SEPTIN9: variants seen among roughly 807,000 people sequenced by gnomAD.
The protein encoded by SEPTIN9 is septin-9.
SEPTIN9 carries 13 observed loss-of-function variants against 56.6 expected under a neutral mutation model. The ratio of observed to expected loss-of-function variants is 0.23; its 90% CI spans 0.15 to 0.37. The LOEUF is 0.37. SEPTIN9 is among the 10% of genes least tolerant of loss of function. SEPTIN9 has a pLI of 1.00. For missense variants in SEPTIN9, 650 were observed against 823.1 expected, an observed-to-expected ratio of 0.79 and a Z score of 2.57; for synonymous variants, 332 against 334.1, an observed-to-expected ratio of 0.99 and a Z score of 0.07.
At chr17:77,473,562 C>CGTGT (rs2039090802) in intron 3 of SEPTIN9, among the ~76,000 whole-genome samples, 1 of 152,102 alleles carries the variant, frequency 6.6e-6, no homozygotes, top group Admixed American at 6.5e-5. Flanking sequence ...GTTCAAAATA[C>CGTGT]GTGTGTGTCT....
Position 77,445,021 on chromosome 17 carries a change from T to C in SEPTIN9, c.722-37123T>C. 3 of 374,374 alleles carry C rather than the reference T, an allele frequency of 8.0e-6. No individual in the cohort carries two copies. Among genetic ancestry groups the C allele is most frequent in the Non-Finnish European group, 1.7e-5 (3 of 179,836 alleles). The allele number at this position is 374,374 out of a possible 1,614,324, so 23.2% of individuals were successfully genotyped here. A position where few individuals can be genotyped will look rare whatever the true frequency, so the allele number is the denominator to read the frequency against. ...AGAAGAGGAACATGTCACCCAAATG[T>C]GCTGAAACAGCCCAGCAGCTGCGCT... On this transcript the variant is annotated intron_variant, in intron 3 of 11. Coordinates refer to ENST00000427177, the MANE Select transcript of SEPTIN9 (RefSeq NM_001113491.2). The surrounding 1 kb of genome is among the most constrained non-coding windows in gnomAD (Gnocchi z 4.7).
rs1568043076 is a variant in SEPTIN9 at position 77,405,427 on chromosome 17, C to CA, written c.721+2724_721+2725insA. Among the ~76,000 whole-genome samples, 12 of 152,174 alleles carry CA rather than the reference C, an allele frequency of 7.9e-5. No individual in the cohort carries two copies. Among genetic ancestry groups the CA allele is most frequent in the Admixed American group, 7.9e-4 (12 of 15,284 alleles). On this transcript the variant is annotated intron_variant, in intron 3 of 11. Coordinates refer to ENST00000427177, the MANE Select transcript of SEPTIN9 (RefSeq NM_001113491.2). The surrounding 1 kb of genome is among the most constrained non-coding windows in gnomAD (Gnocchi z 5.8). ...TCAGAGCTGCCAGGAACCTGGCGCT[C>CA]TGGGGGGACGGTGGCTTTCTCCATG...
At chr17:77,304,848 A>G (rs1230304495) in intron 1 of SEPTIN9, among the ~76,000 whole-genome samples, 1 of 152,148 alleles carries the variant, frequency 6.6e-6, no homozygotes, top group Non-Finnish European at 1.5e-5. Context: ...TGCGGCTTCC[A>G]GTCGGGTGTG....
intron 2 of SEPTIN9, among the ~76,000 whole-genome samples, chr17:77,391,404 A>T (rs368411557): frequency 7.9e-5 from 12 of 151,990 alleles, no homozygotes; most frequent in African/African-American, 2.7e-4. Context: ...CAGACGCATC[A>T]CCATCATCTC....
At chr17:77,358,276 C>T (rs1366920880) in intron 2 of SEPTIN9, among the ~76,000 whole-genome samples, 1 of 152,176 alleles carries the variant, frequency 6.6e-6, no homozygotes, top group African/African-American at 2.4e-5. Flanking sequence ...CCTTCTGCCT[C>T]ATGTTTGTGT....
intron 2 of SEPTIN9, among the ~76,000 whole-genome samples, chr17:77,358,779 G>A (rs575636241): frequency 2.2e-4 from 33 of 152,298 alleles, no homozygotes; most frequent in South Asian, 6.2e-4. Flanking sequence ...GGGGCTCAGC[G>A]TATAAAGATG....
chr17:77,422,262 G>A (rs889658270), intron 3 of SEPTIN9, among the ~76,000 whole-genome samples: 5 of 152,320 alleles, frequency 3.3e-5, no homozygotes, highest in South Asian at 2.1e-4. Context: ...CCTCCTGGGC[G>A]CGTGGTCAGG....
At chr17:77,311,548 G>A (rs2032494651) in intron 2 of SEPTIN9, among the ~76,000 whole-genome samples, 1 of 152,184 alleles carries the variant, frequency 6.6e-6, no homozygotes, top group Non-Finnish European at 1.5e-5. Flanking sequence ...TCCTATGCTA[G>A]TTCCCATGCC....
chr17:77,480,318 T>C (rs2039403523), intron 3 of SEPTIN9, among the ~76,000 whole-genome samples: 3 of 152,210 alleles, frequency 2.0e-5, no homozygotes, highest in African/African-American at 7.2e-5. Flanking sequence ...TTTTCCTCTC[T>C]CACCTCTGAT....
intron 2 of SEPTIN9, among the ~76,000 whole-genome samples, chr17:77,372,851 A>T (rs1971690781): frequency 6.6e-6 from 1 of 152,174 alleles, no homozygotes; most frequent in Admixed American, 6.5e-5. Context: ...ACAGGCCGGG[A>T]TCCTGCCTGC....
At chr17:77,488,491 A>G (rs1422395749) in intron 6 of SEPTIN9, among the ~76,000 whole-genome samples, 170 bp downstream of exon 6, 2 of 152,194 alleles carry the variant, frequency 1.3e-5, no homozygotes, top group Non-Finnish European at 2.9e-5. Flanking sequence ...TTCTGGACCA[A>G]AGCAGAATTA....
intron 1 of SEPTIN9, among the ~76,000 whole-genome samples, chr17:77,289,088 T>TGTTTG (rs750710998): frequency 5.2e-4 from 79 of 152,276 alleles, no homozygotes; most frequent in South Asian, 3.1e-3. Flanking sequence ...TTTTTTGTTT[T>TGTTTG]GTTTGGTTTG....
At position 77,488,970 on chromosome 17, in the gene SEPTIN9, G is replaced by A. The variant is rs898973800; in HGVS notation, c.1262+106G>A. On this transcript the variant is annotated intron_variant, in intron 7 of 11. Transcript: ENST00000427177. ...CTGCCCTGCTGCTGGGTGCAGAGGG[G>A]CTGAGTCAGGGGCCATGGCCGCCAG... 12 of 1,447,822 alleles carry A rather than the reference G, an allele frequency of 8.3e-6. No individual in the cohort carries two copies. In the East Asian group the frequency reaches 2.4e-4, roughly 29 times the overall value. The allele number at this position is 1,447,822 out of a possible 1,614,324, so 89.7% of individuals were successfully genotyped here. A position where few individuals can be genotyped will look rare whatever the true frequency, so the allele number is the denominator to read the frequency against.
intron 2 of SEPTIN9, among the ~76,000 whole-genome samples, chr17:77,398,622 A>G (rs1385404395): frequency 2.0e-5 from 3 of 152,132 alleles, no homozygotes; most frequent in Non-Finnish European, 1.5e-5. Flanking sequence ...GGGAAGATGG[A>G]CACCCCCAGA....
Position 77,475,819 on chromosome 17 carries a change from C to CT in SEPTIN9, c.722-6324dup. On this transcript the variant is annotated intron_variant, in intron 3 of 11. Transcript: ENST00000427177. This position sits in a 1 kb window ranked among gnomAD's most constrained non-coding sequence, Gnocchi z 4.6. ...GTGCCACCGGCTCCCCTGCCGTGGC[C>CT]TGGTCAGTGGCTTCACAGGCCTCCG... 1 of 1,613,498 alleles carries CT rather than the reference C, an allele frequency of 6.2e-7. No individual in the cohort carries two copies. Among genetic ancestry groups the CT allele is most frequent in the Non-Finnish European group, 8.5e-7 (1 of 1,179,878 alleles).
chr17:77,414,487 A>T (rs1568050314), intron 3 of SEPTIN9, among the ~76,000 whole-genome samples: 1 of 150,730 alleles, frequency 6.6e-6, no homozygotes, highest in Non-Finnish European at 1.5e-5. Flanking sequence ...AATTTAGAAA[A>T]TTTTTTTCTT....
chr17:77,320,949 A>C (rs574793812), intron 2 of SEPTIN9, among the ~76,000 whole-genome samples: 1 of 152,324 alleles, frequency 6.6e-6, no homozygotes, highest in South Asian at 2.1e-4. Context: ...GCACAGACCC[A>C]TCAGGGCGTG....
At chr17:77,424,088 C>A (rs998648791) in intron 3 of SEPTIN9, among the ~76,000 whole-genome samples, 1 of 152,262 alleles carries the variant, frequency 6.6e-6, no homozygotes, top group Non-Finnish European at 1.5e-5. Flanking sequence ...ATTAATATTT[C>A]ATGAATCATA....
rs1457613857 is a variant in SEPTIN9 at position 77,492,499 on chromosome 17, C to T, written c.1381-122C>T. 16 of 862,012 alleles carry T rather than the reference C, an allele frequency of 1.9e-5. No individual in the cohort carries two copies. Among genetic ancestry groups the T allele is most frequent in the Non-Finnish European group, 3.0e-5 (15 of 500,428 alleles). The allele number at this position is 862,012 out of a possible 1,614,324, so 53.4% of individuals were successfully genotyped here. A position where few individuals can be genotyped will look rare whatever the true frequency, so the allele number is the denominator to read the frequency against. ...GGAGGTGATTGGTGTCACAGCCCCC[C>T]AGAGCCTGCCCTTGAACCCGAGCCT... On this transcript the variant is annotated intron_variant, in intron 8 of 11. Transcript: ENST00000427177. This position sits in a 1 kb window ranked among gnomAD's most constrained non-coding sequence, Gnocchi z 5.4.
Sources: allele counts gnomAD v4.1 joint callset (sites outside exome capture counted in the v4.1 genomes callset), GRCh38; gene constraint gnomAD v4.1.1; non-coding constraint Gnocchi (gnomAD v3.1); transcripts MANE v1.5; gene names NCBI Gene and HGNC (gene_info 2026-07-23, HGNC 2026-07-21).